KMT2E: variants seen among roughly 807,000 people sequenced by gnomAD.
KMT2E encodes the protein lysine methyltransferase 2E (inactive), also known as histone reader KMT2E.
KMT2E carries 30 observed loss-of-function variants against 184.6 expected under a neutral mutation model. The observed-to-expected ratio is 0.16, with a 90% CI of 0.12 to 0.22. The LOEUF (loss-of-function observed/expected upper bound fraction) is 0.22, where lower values mean the gene tolerates loss of function less well. Among genes scored for constraint, KMT2E ranks in the 10% least tolerant of loss-of-function variants. The pLI, the probability that KMT2E is intolerant of heterozygous loss-of-function variation, is 1.00. For missense variants in KMT2E, 2,023 were observed against 2,237.4 expected, an observed-to-expected ratio of 0.90 and a Z score of 1.93; for synonymous variants, 815 against 776.5, an observed-to-expected ratio of 1.05 and a Z score of -0.82.
In KMT2E at chr7:105,081,235, T is replaced by A. The variant is rs371545178; in HGVS notation, c.1249-453T>A. On this transcript the variant is annotated intron_variant, in intron 12 of 26. Transcript: ENST00000311117. ...TCTCTACTAAAAATACAAAAAAAAA[T>A]AAGCCGGGCATGGTGGCAGGTGCCT... Among the ~76,000 whole-genome samples, 552 of 151,280 alleles carry A rather than the reference T, an allele frequency of 3.6e-3. 14 individuals are homozygous for A. In the East Asian group the frequency reaches 0.062, roughly 17 times the overall value.
chr7:105,050,665 T>C (rs968618867), intron 3 of KMT2E, among the ~76,000 whole-genome samples: 68 of 147,518 alleles, frequency 4.6e-4, no homozygotes, highest in Admixed American at 1.2e-3. Context: ...TTTCTTTCTT[T>C]TTTCTTTCTT....
chr7:105,056,591 C>T (rs1235200155), intron 3 of KMT2E, among the ~76,000 whole-genome samples: 1 of 152,128 alleles, frequency 6.6e-6, no homozygotes, highest in African/African-American at 2.4e-5. Flanking sequence ...GTGATAGGTT[C>T]TGTCTCCTCT....
At chr7:105,017,994 G>C (rs1395839693) in intron 1 of KMT2E, among the ~76,000 whole-genome samples, 1 of 152,128 alleles carries the variant, frequency 6.6e-6, no homozygotes, top group East Asian at 1.9e-4. Flanking sequence ...AGGACTTCTT[G>C]AGTCTATTGA....
At chr7:105,082,339 C>A (rs1797789940) in intron 13 of KMT2E, among the ~76,000 whole-genome samples, 1 of 152,124 alleles carries the variant, frequency 6.6e-6, no homozygotes, top group African/African-American at 2.4e-5. Context: ...CTGCACAGTC[C>A]ACAATCTGCG....
At chr7:105,042,889 A>G (rs1320900569) in intron 3 of KMT2E, among the ~76,000 whole-genome samples, 1 of 152,222 alleles carries the variant, frequency 6.6e-6, no homozygotes, top group African/African-American at 2.4e-5. Flanking sequence ...AGTATAACCT[A>G]TTCATGTTAT....
intron 3 of KMT2E, among the ~76,000 whole-genome samples, chr7:105,059,763 GAA>G (rs991689024): frequency 3.3e-5 from 5 of 151,954 alleles, no homozygotes; most frequent in African/African-American, 1.2e-4. Flanking sequence ...ATGATGCATA[GAA>G]AAGTTTAGAG....
At chr7:105,063,799 CT>C (rs1334631822) in intron 5 of KMT2E, 2 of 530,640 alleles carry the variant, frequency 3.8e-6, no homozygotes, top group Non-Finnish European at 6.7e-6. Context: ...CAGTTCTGAA[CT>C]TTTTTTCATG....
At chr7:105,049,320 G>A (rs973670966) in intron 3 of KMT2E, among the ~76,000 whole-genome samples, 5 of 152,086 alleles carry the variant, frequency 3.3e-5, no homozygotes, top group Admixed American at 3.3e-4. Flanking sequence ...GGTTGCTTGT[G>A]CCCGTAGTCC....
chr7:105,111,123 A>C, intron 26 of KMT2E: 1 of 431,498 alleles, frequency 2.3e-6, no homozygotes. Flanking sequence ...CAAATGTTCC[A>C]CCTCTATTCT....
chr7:105,060,890 G>T (rs1274443412), intron 3 of KMT2E, among the ~76,000 whole-genome samples: 1 of 152,226 alleles, frequency 6.6e-6, no homozygotes, highest in Non-Finnish European at 1.5e-5. Context: ...TAGCCTAGGT[G>T]TATAGTAGGC....
chr7:105,048,903 C>T (rs1241271423), intron 3 of KMT2E, among the ~76,000 whole-genome samples: 10 of 152,096 alleles, frequency 6.6e-5, no homozygotes, highest in Admixed American at 1.3e-4. Context: ...CTGTTTCCAA[C>T]GAAGAGTACT....
intron 15 of KMT2E, among the ~76,000 whole-genome samples, chr7:105,101,060 T>G (rs1798634898): frequency 6.6e-6 from 1 of 152,184 alleles, no homozygotes; most frequent in Non-Finnish European, 1.5e-5. Context: ...ATCATTACCT[T>G]AGGGATTTTG....
intron 5 of KMT2E, 97 bp from the exon 6 acceptor site, chr7:105,066,630 G>C: frequency 1.1e-6 from 1 of 921,044 alleles, no homozygotes; most frequent in South Asian, 1.4e-5. Context: ...TAAGCTCAAA[G>C]TAGGTGCTTA....
chr7:105,094,933 A>G (rs1022120721), intron 15 of KMT2E, among the ~76,000 whole-genome samples: 1 of 152,188 alleles, frequency 6.6e-6, no homozygotes, highest in African/African-American at 2.4e-5. Flanking sequence ...TCCCTTGTGA[A>G]TAAGTGGGAT....
At chr7:105,111,375 T>C (rs1224311870) in intron 26 of KMT2E, among the ~76,000 whole-genome samples, 1 of 151,880 alleles carries the variant, frequency 6.6e-6, no homozygotes, top group East Asian at 1.9e-4. Context: ...CTGAACAGTG[T>C]ACAAGGAAAA....
rs770169862 is a variant in KMT2E, at chr7:105,113,074, C to T, written c.5318C>T (p.Pro1773Leu). 43 of 1,613,968 alleles carry T rather than the reference C, an allele frequency of 2.7e-5. No individual in the cohort carries two copies. In the Admixed American group the frequency reaches 2.7e-4, roughly 10 times the overall value. Residue 1773 changes from proline to leucine, a missense_variant, in exon 27 of 27, where the codon CCG (proline) becomes CTG (leucine). Around this residue, in one of 8 missense-constraint regions of KMT2E, gnomAD observed 1,108 missense variants for 1,050.9 expected, o/e 1.05. Coordinates refer to ENST00000311117, the MANE Select transcript of KMT2E (RefSeq NM_182931.3). ...GCTACACATCATACCACTTTGGGAC[C>T]GGGACCCCAGCACCAGCCTTCTGGA... is the stretch of plus-strand genomic sequence containing the variant. ...SQATHHTTLG[P>L]GPQHQPSGTG...
chr7:105,112,991 A>C lies in KMT2E; in HGVS notation c.5235A>C (p.Gln1745His). 1.2e-6 allele frequency: 2 copies of C among 1,613,996 alleles called. No individual in the cohort carries two copies. Among genetic ancestry groups the C allele is most frequent in the Middle Eastern group, 1.6e-4 (1 of 6,062 alleles). Reference protein sequence around the residue: ...SAQALHHPPHQGPPLFPSSAH... With the variant: ...SAQALHHPPHHGPPLFPSSAH... ...AAGCCTTACACCACCCACCTCATCA[A>C]GGACCTCCACTTTTTCCTTCGAGTG... Residue 1745 changes from glutamine (Q) to histidine (H), a missense_variant, in exon 27 of 27, where the codon CAA (glutamine) becomes CAC (histidine). This residue lies in a region of KMT2E where 1,108 missense variants were observed against 1,050.9 expected (regional missense o/e 1.05). Coordinates refer to ENST00000311117, the MANE Select transcript of KMT2E (RefSeq NM_182931.3).
At chr7:105,087,665 C>T (rs1410186312) in intron 13 of KMT2E, among the ~76,000 whole-genome samples, 1 of 151,968 alleles carries the variant, frequency 6.6e-6, no homozygotes, top group Non-Finnish European at 1.5e-5. Context: ...CTCAGGCAAT[C>T]CACCTGCCTC....
chr7:105,114,175 A>G lies in KMT2E; in HGVS notation c.*842A>G, dbSNP rs1053858418. 2.6e-5 allele frequency: 4 copies of G among 152,120 alleles called. No homozygotes were observed. The highest frequency in any genetic ancestry group is 5.9e-5 in the Non-Finnish European group (4 of 68,014). The allele number at this position is 152,120 out of a possible 1,614,324, so 9.4% of individuals were successfully genotyped here. On this transcript the variant is annotated 3_prime_UTR_variant, in exon 27 of 27. Coordinates refer to ENST00000311117, the MANE Select transcript of KMT2E (RefSeq NM_182931.3). Reference sequence around the variant, plus strand: ...AAATATAGATTGTAAGGAGCCTTCAATTTTCTTTAGCGACTACTACCTCAG... The same window carrying G: ...AAATATAGATTGTAAGGAGCCTTCAGTTTTCTTTAGCGACTACTACCTCAG...
Sources: allele counts gnomAD v4.1 joint callset (sites outside exome capture counted in the v4.1 genomes callset), GRCh38; gene constraint gnomAD v4.1.1; regional missense constraint gnomAD v4.1.1; transcripts MANE v1.5; gene names NCBI Gene and HGNC (gene_info 2026-07-23, HGNC 2026-07-21).